The following PRPF18 variants were observed in gnomAD, a reference collection of about 807,000 sequenced individuals.
The protein encoded by PRPF18 is pre-mRNA-splicing factor 18.
In PRPF18, 38 loss-of-function variants were observed where a neutral mutation model predicts 46.5. The ratio of observed to expected loss-of-function variants is 0.82; its 90% CI spans 0.63 to 1.07. The LOEUF is 1.07. PRPF18 is among the 50% of genes least tolerant of loss of function. The probability of loss-of-function intolerance (pLI) is 0.00; values close to 1 mark genes in which losing one functional copy is unlikely to be tolerated. For missense variants in PRPF18, 263 were observed against 410.0 expected (o/e 0.64, Z 3.10); for synonymous variants, 152 against 146.7 (o/e 1.04, Z -0.26).
chr10:13,650,666 G>T, the PRPF18 span, among the ~76,000 whole-genome samples: 2 of 152,258 alleles, frequency 1.3e-5, no homozygotes, highest in African/African-American at 4.8e-5. Context: ...CAAAGCCTAA[G>T]TCCCTGTCCT....
chr10:13,652,319 TC>T, the PRPF18 span: 1 of 337,946 alleles, frequency 3.0e-6, no homozygotes. Flanking sequence ...TTCAAGACCA[TC>T]TTAAGTGCAT....
chr10:13,611,256 A>C (rs1415832784), intron 5 of PRPF18, among the ~76,000 whole-genome samples: 1 of 145,758 alleles, frequency 6.9e-6, no homozygotes, highest in Non-Finnish European at 1.5e-5. Context: ...TTATTGAGAT[A>C]TTGACATACC....
intron 9 of PRPF18, among the ~76,000 whole-genome samples, chr10:13,621,177 A>C (rs911794552): frequency 1.3e-5 from 2 of 152,228 alleles, no homozygotes; most frequent in Non-Finnish European, 2.9e-5. Flanking sequence ...CAGGAGAAAA[A>C]GATGAGGTGA....
the PRPF18 span, chr10:13,651,197 G>C: frequency 6.6e-6 from 1 of 152,286 alleles, no homozygotes; most frequent in Non-Finnish European, 1.5e-5. Context: ...CGAGCTCCCA[G>C]GTGATGGTGG....
intron 6 of PRPF18, among the ~76,000 whole-genome samples, chr10:13,612,104 T>A (rs2080277573): frequency 6.6e-6 from 1 of 152,124 alleles, no homozygotes; most frequent in Non-Finnish European, 1.5e-5. Flanking sequence ...GATCTTGAAC[T>A]CCTGACCTCA....
Position 13,611,676 on chromosome 10 carries a change from T to C in PRPF18, c.572T>C (p.Phe191Ser). The C allele has an allele frequency of 6.2e-7, 1 of 1,613,648 alleles. No individual in the cohort carries two copies. Among genetic ancestry groups the C allele is most frequent in the Non-Finnish European group, 8.5e-7 (1 of 1,179,644 alleles). ...AAAGACATGGACATCATCACCAAAT[T>C]CCTGAAGGTGCGTGTCTTAGGCGAG... ...DHKDMDIITK[F>S]LKFLLGVWAK... Residue 191 changes from phenylalanine to serine, a missense_variant, in exon 6 of 10, where the codon TTC (phenylalanine) becomes TCC (serine). Coordinates refer to ENST00000378572, the MANE Select transcript of PRPF18 (RefSeq NM_003675.4).
downstream of PRPF18, among the ~76,000 whole-genome samples, chr10:13,635,855 T>C (rs2080633053): frequency 6.6e-6 from 1 of 152,160 alleles, no homozygotes; most frequent in South Asian, 2.1e-4. Flanking sequence ...TTTTTTAATA[T>C]GGAGATAACA....
At chr10:13,592,126 C>A in intron 1 of PRPF18, 1 of 587,976 alleles carries the variant, frequency 1.7e-6, no homozygotes, top group Non-Finnish European at 3.1e-6. Flanking sequence ...TTATACACAG[C>A]TTTTCTGGAA....
At chr10:13,635,893 T>C in the PRPF18 span, among the ~76,000 whole-genome samples, 4 of 152,218 alleles carry the variant, frequency 2.6e-5, no homozygotes, top group African/African-American at 9.7e-5. Context: ...GTGTGAAATT[T>C]AGCAGATTAT....
At chr10:13,618,287 C>A (rs529168986) in intron 9 of PRPF18, among the ~76,000 whole-genome samples, 59 of 152,100 alleles carry the variant, frequency 3.9e-4, no homozygotes, top group African/African-American at 1.4e-3. Context: ...GAAAATTGGA[C>A]CCATATACCC....
chr10:13,591,691 T>G, intron 1 of PRPF18: 1 of 684,940 alleles, frequency 1.5e-6, no homozygotes, highest in Non-Finnish European at 2.5e-6. Flanking sequence ...ATCAGTGGGA[T>G]GTTTTGGGAT....
rs373896991 is a variant in PRPF18 at position 13,600,309 on chromosome 10, G to A, written c.210G>A (p.Leu70=). Residue 70 remains leucine, a synonymous_variant, in exon 3 of 10, where the codon CTG becomes CTA. Coordinates refer to ENST00000378572, the MANE Select transcript of PRPF18 (RefSeq NM_003675.4). ...TSSNPVLELE[L]AEEKLPMTLS... The stretch of plus-strand genomic sequence containing the variant: ...CGAATCCAGTGTTAGAACTTGAACT[G>A]GCAGAGGAAAAATTACCTATGACGC... 3 of 1,612,620 alleles carry A rather than the reference G, an allele frequency of 1.9e-6. No individual in the cohort carries two copies. In the East Asian group the frequency reaches 6.7e-5, roughly 36 times the overall value.
intron 2 of PRPF18, chr10:13,597,795 GA>G: frequency 1.6e-6 from 1 of 613,348 alleles, no homozygotes; most frequent in Admixed American, 3.7e-5. Context: ...ATCAAAGCTT[GA>G]ATTTTTTTTT....
intron 4 of PRPF18, among the ~76,000 whole-genome samples, chr10:13,607,997 T>C (rs915564608): frequency 2.6e-5 from 4 of 152,218 alleles, no homozygotes; most frequent in African/African-American, 9.6e-5. Context: ...TTTTATCTAC[T>C]TGCTTTCTCA....
At chr10:13,613,612 T>C (rs2080301725) in intron 6 of PRPF18, 129 bp from the exon 7 acceptor site, 1 of 1,013,274 alleles carries the variant, frequency 9.9e-7, no homozygotes, top group South Asian at 1.8e-5. Flanking sequence ...TCTATATTAT[T>C]TGGTGGCATT....
At chr10:13,591,657 G>A (rs1025732340) in intron 1 of PRPF18, 3 of 619,104 alleles carry the variant, frequency 4.8e-6, no homozygotes, top group Non-Finnish European at 3.0e-6. Flanking sequence ...CTGGGCTTCT[G>A]CAGCTGCTGC....
the PRPF18 span, among the ~76,000 whole-genome samples, chr10:13,636,390 G>A: frequency 2.0e-5 from 3 of 152,214 alleles, no homozygotes; most frequent in Non-Finnish European, 2.9e-5. Flanking sequence ...CTGCGTTCCA[G>A]CCTGGGTGAC....
At chr10:13,615,984 G>A (rs2080334618) in intron 8 of PRPF18, among the ~76,000 whole-genome samples, 1 of 152,170 alleles carries the variant, frequency 6.6e-6, no homozygotes, top group Non-Finnish European at 1.5e-5. Flanking sequence ...GTTGGACGAT[G>A]AAAAACTACT....
At chr10:13,608,335 A>G (rs2080220012) in intron 4 of PRPF18, among the ~76,000 whole-genome samples, 1 of 151,988 alleles carries the variant, frequency 6.6e-6, no homozygotes, top group African/African-American at 2.4e-5. Flanking sequence ...CTGGCGTCTC[A>G]GTTGGAATGG....
Sources: allele counts gnomAD v4.1 joint callset (sites outside exome capture counted in the v4.1 genomes callset), GRCh38; gene constraint gnomAD v4.1.1; transcripts MANE v1.5; gene names NCBI Gene and HGNC (gene_info 2026-07-23, HGNC 2026-07-21).